Variants in GABRA5 observed in about 807,000 individuals in gnomAD.
The protein encoded by GABRA5 is gamma-aminobutyric acid type A receptor subunit alpha5, also known as gamma-aminobutyric acid receptor subunit alpha-5.
A neutral mutation model predicts 47.3 loss-of-function variants in GABRA5; 18 were observed. That is an observed-to-expected ratio of 0.38 (90% CI 0.26 to 0.56). The LOEUF is 0.56. GABRA5 is among the 20% of genes least tolerant of loss of function. The pLI, the probability that GABRA5 is intolerant of heterozygous loss-of-function variation, is 0.71. For synonymous variants in GABRA5, 237 were observed against 229.3 expected, an observed-to-expected ratio of 1.03 and a Z score of -0.30; for missense variants, 365 against 599.3, an observed-to-expected ratio of 0.61 and a Z score of 4.08.
intron 3 of GABRA5, chr15:26,877,702 C>T: frequency 2.2e-6 from 1 of 454,384 alleles, no homozygotes; most frequent in Non-Finnish European, 4.4e-6. Context: ...TTTCAAGTAC[C>T]AAATAAGGAA....
chr15:26,886,160 C>T (rs992079769), intron 6 of GABRA5, among the ~76,000 whole-genome samples: 1 of 152,092 alleles, frequency 6.6e-6, no homozygotes, highest in African/African-American at 2.4e-5. Context: ...GCTGGGATTA[C>T]AGGCGTGTGC....
chr15:26,905,215 G>C (rs944448581), intron 6 of GABRA5, among the ~76,000 whole-genome samples: 2 of 151,918 alleles, frequency 1.3e-5, no homozygotes, highest in African/African-American at 4.8e-5. Context: ...TGTTTATCTG[G>C]AATATCATAA....
intron 6 of GABRA5, among the ~76,000 whole-genome samples, chr15:26,890,693 A>G (rs67079321): frequency 0.18 from 28,001 of 152,070 alleles, 5,409 homozygotes; most frequent in African/African-American, 0.49. Flanking sequence ...TGTGTTCCCC[A>G]CAGAGCGTCT....
chr15:26,900,009 G>T (rs565361869), intron 6 of GABRA5, among the ~76,000 whole-genome samples: 1 of 151,456 alleles, frequency 6.6e-6, no homozygotes, highest in Admixed American at 6.6e-5. Context: ...GTTTTTTAGC[G>T]TACCACTTTA....
intron 7 of GABRA5, among the ~76,000 whole-genome samples, chr15:26,927,853 A>G (rs1893998193): frequency 6.6e-6 from 1 of 152,216 alleles, no homozygotes; most frequent in African/African-American, 2.4e-5. Context: ...CACATGCTCT[A>G]GTTTCTCTAA....
chr15:26,924,066 A>T (rs1258340358), intron 7 of GABRA5, among the ~76,000 whole-genome samples: 2 of 148,982 alleles, frequency 1.3e-5, no homozygotes, highest in Non-Finnish European at 3.0e-5. Context: ...TCTCTGCTTG[A>T]TTTATTTTTA....
intron 6 of GABRA5, among the ~76,000 whole-genome samples, chr15:26,912,489 A>G (rs186777219): frequency 6.6e-6 from 1 of 152,346 alleles, no homozygotes; most frequent in East Asian, 1.9e-4. Context: ...TTCTTTATTT[A>G]CCTTACCAAT....
intron 7 of GABRA5, 146 bp downstream of exon 7, chr15:26,915,031 C>A: frequency 1.4e-6 from 1 of 691,630 alleles, no homozygotes. Flanking sequence ...TTGTTCTCCC[C>A]AGACTAGCTT....
chr15:26,915,012 G>A, intron 7 of GABRA5, 127 bp downstream of exon 7: 1 of 771,016 alleles, frequency 1.3e-6, no homozygotes, highest in Non-Finnish European at 2.2e-6. Context: ...AAGAAGCGTG[G>A]AGAGTGTATT....
chr15:26,895,971 A>G (rs1175728152), intron 6 of GABRA5, among the ~76,000 whole-genome samples: 2 of 150,872 alleles, frequency 1.3e-5, no homozygotes, highest in Admixed American at 6.6e-5. Flanking sequence ...CCCTGCCTCC[A>G]TGCACAGTGG....
At chr15:26,869,068 G>A (rs1160016719) in intron 2 of GABRA5, 107 bp from the exon 3 acceptor site, 2 of 570,508 alleles carry the variant, frequency 3.5e-6, no homozygotes, top group African/African-American at 3.7e-5. Context: ...AAGGACAGCG[G>A]GCTCCTTTCT....
In GABRA5 at chr15:26,875,061, G is replaced by T. The variant is rs182622197; in HGVS notation, c.86+5727G>T. On this transcript the variant is annotated intron_variant, in intron 3 of 10. Coordinates refer to ENST00000335625, the MANE Select transcript of GABRA5 (RefSeq NM_000810.4). Reference sequence around the variant, plus strand: ...GGGATTAATCATGGGTCTCAATGTGGGATTAATCATGGGTCCAGGATCACA... The same window carrying T: ...GGGATTAATCATGGGTCTCAATGTGTGATTAATCATGGGTCCAGGATCACA... 8.5e-5 allele frequency among the ~76,000 whole-genome samples: 13 copies of T among 152,262 alleles called. No homozygotes were observed. In the East Asian group the frequency reaches 2.5e-3, roughly 29 times the overall value.
chr15:26,902,488 C>T (rs959987661), intron 6 of GABRA5, among the ~76,000 whole-genome samples: 1 of 152,062 alleles, frequency 6.6e-6, no homozygotes, highest in Non-Finnish European at 1.5e-5. Flanking sequence ...CTTGTATCAG[C>T]AAGCTTACTC....
chr15:26,893,433 G>GTATGTAGTGTGT (rs1566870579), intron 6 of GABRA5, among the ~76,000 whole-genome samples: 5 of 150,366 alleles, frequency 3.3e-5, no homozygotes, highest in African/African-American at 1.2e-4. Context: ...TATGGTGTGT[G>GTATGTAGTGTGT]GCGTGTGTGT....
At chr15:26,882,752 T>G (rs1291361758) in intron 4 of GABRA5, among the ~76,000 whole-genome samples, 1 of 152,080 alleles carries the variant, frequency 6.6e-6, no homozygotes, top group Non-Finnish European at 1.5e-5. Context: ...CCCCTCATCC[T>G]GAATTGTCTG....
At chr15:26,931,659 A>G (rs1894110764) in intron 7 of GABRA5, among the ~76,000 whole-genome samples, 1 of 152,230 alleles carries the variant, frequency 6.6e-6, no homozygotes, top group South Asian at 2.1e-4. Context: ...ATTGGGTTAA[A>G]TACCTTTGTG....
At chr15:26,935,944 G>A (rs2140577998) in intron 7 of GABRA5, among the ~76,000 whole-genome samples, 1 of 152,256 alleles carries the variant, frequency 6.6e-6, no homozygotes, top group East Asian at 1.9e-4. Context: ...TTGGCTGTGT[G>A]TCCCCACCCA....
chr15:26,886,045 A>T (rs564758971), intron 6 of GABRA5, among the ~76,000 whole-genome samples: 1 of 151,256 alleles, frequency 6.6e-6, no homozygotes, highest in Non-Finnish European at 1.5e-5. Flanking sequence ...GTTGAGATGG[A>T]GTCTCACTCT....
chr15:26,883,916 C>T lies in GABRA5; in HGVS notation c.497+359C>T, dbSNP rs961829496. 6.6e-6 allele frequency among the ~76,000 whole-genome samples: 1 copy of T among 152,000 alleles called. No individual in the cohort carries two copies. Among genetic ancestry groups the T allele is most frequent in the South Asian group, 2.1e-4 (1 of 4,820 alleles). The stretch of plus-strand genomic sequence containing the variant: ...GCTCATGCCTGTACACCTTTAATCC[C>T]AACACTCTGGGAGGCTGAGGTGGGA... On this transcript the variant is annotated intron_variant, in intron 6 of 10. Transcript: ENST00000335625. The surrounding 1 kb of genome is among the most constrained non-coding windows in gnomAD (Gnocchi z 4.8).
Sources: gnomAD v4.1 joint callset for allele counts (sites outside exome capture counted in the v4.1 genomes callset) on GRCh38, gnomAD v4.1.1 for gene constraint, Gnocchi (gnomAD v3.1) non-coding constraint, MANE v1.5 for transcripts, NCBI Gene and HGNC (gene_info 2026-07-23, HGNC 2026-07-21) for gene names.